The following TTC38 variants were observed in gnomAD, a reference collection of about 807,000 sequenced individuals.
The protein encoded by TTC38 is tetratricopeptide repeat domain 38.
Under a neutral mutation model 64.2 loss-of-function variants are expected in TTC38, and 64 were observed. The observed-to-expected ratio is 1.00, with a 90% CI of 0.81 to 1.23. The LOEUF (loss-of-function observed/expected upper bound fraction) is 1.23, where lower values mean the gene tolerates loss of function less well. Among genes scored for constraint, TTC38 ranks in the 50% most tolerant of loss-of-function variants. The pLI, the probability that TTC38 is intolerant of heterozygous loss-of-function variation, is 0.00. For synonymous variants in TTC38, 254 were observed against 249.3 expected, an observed-to-expected ratio of 1.02 and a Z score of -0.18; for missense variants, 573 against 615.5, an observed-to-expected ratio of 0.93 and a Z score of 0.73.
intron 6 of TTC38, among the ~76,000 whole-genome samples, chr22:46,278,934 C>T (rs1004456670): frequency 5.3e-5 from 8 of 152,244 alleles, no homozygotes; most frequent in African/African-American, 1.9e-4. Flanking sequence ...TACGGGGAGC[C>T]TGTGGTCAGC....
rs753432342 is a variant in TTC38 at position 46,273,878 on chromosome 22, G to A, written c.194-20G>A. The A allele has an allele frequency of 2.7e-5, 43 of 1,613,444 alleles. No individual in the cohort carries two copies. Among genetic ancestry groups the A allele is most frequent in the South Asian group, 2.6e-4 (24 of 91,048 alleles). On this transcript the variant is annotated intron_variant, in intron 3 of 13. Coordinates refer to ENST00000381031, the MANE Select transcript of TTC38 (RefSeq NM_017931.4). The surrounding 1 kb of genome is among the most constrained non-coding windows in gnomAD (Gnocchi z 5.1). The stretch of plus-strand genomic sequence containing the variant: ...AGCTGGACCATCTGAACCACCAGCC[G>A]TTCTCTAACCTCCCACCAGTGATGG...
chr22:46,281,527 C>G lies in TTC38; in HGVS notation c.616-72C>G, dbSNP rs2077534631. 6.4e-7 allele frequency: 1 copy of G among 1,563,838 alleles called. No homozygotes were observed. The highest frequency in any genetic ancestry group is 1.1e-5 in the South Asian group (1 of 88,824). ...CCAGGCCCCTCTTGCCCCTTAGAGACCTGCCGTCGCCTGCCCCGGCAGCCT... is the reference window on the plus strand; with the variant it reads ...CCAGGCCCCTCTTGCCCCTTAGAGAGCTGCCGTCGCCTGCCCCGGCAGCCT... On this transcript the variant is annotated intron_variant, in intron 6 of 13. Coordinates refer to ENST00000381031, the MANE Select transcript of TTC38 (RefSeq NM_017931.4). This position sits in a 1 kb window ranked among gnomAD's most constrained non-coding sequence, Gnocchi z 5.2.
In TTC38 at chr22:46,285,265, A is replaced by G. The variant is rs766724649; in HGVS notation, c.820A>G (p.Ile274Val). ...GGGCGAATATGAGGCCGCGCTGACC[A>G]TCTACGATACCCACGTAAGTTGCAT... is the stretch of plus-strand genomic sequence containing the variant. ...EKGEYEAALT[I>V]YDTHILPSLQ... Residue 274 changes from isoleucine (I) to valine (V), a missense_variant, in exon 9 of 14, where the codon ATC becomes GTC. By Grantham distance (29) the Ile-to-Val change is conservative. Coordinates refer to ENST00000381031, the MANE Select transcript of TTC38 (RefSeq NM_017931.4). The G allele has an allele frequency of 8.7e-6, 14 of 1,614,084 alleles. No individual in the cohort carries two copies. In the Admixed American group the frequency reaches 2.2e-4, roughly 25 times the overall value.
chr22:46,271,156 C>T lies in TTC38; in HGVS notation c.112-1179C>T, dbSNP rs1936886652. On this transcript the variant is annotated intron_variant, in intron 2 of 13. Transcript: ENST00000381031. This position sits in a 1 kb window ranked among gnomAD's most constrained non-coding sequence, Gnocchi z 5.5. Reference sequence around the variant, plus strand: ...GCAGGAATATTCCTATCGTGACCAACTTCAGGGCTCCTCTTAGGGCAGAAG... The same window carrying T: ...GCAGGAATATTCCTATCGTGACCAATTTCAGGGCTCCTCTTAGGGCAGAAG... Among the ~76,000 whole-genome samples, 1 of 152,350 alleles carries T rather than the reference C, an allele frequency of 6.6e-6. No homozygotes were observed. The highest frequency in any genetic ancestry group is 2.1e-4 in the South Asian group (1 of 4,826).
intron 11 of TTC38, 92 bp downstream of exon 11, chr22:46,288,680 G>C: frequency 7.8e-7 from 1 of 1,288,770 alleles, no homozygotes; most frequent in South Asian, 1.4e-5. Context: ...TTCAGTGCCT[G>C]CCCCGCCTGT....
At chr22:46,289,995 A>T in intron 13 of TTC38, 96 bp downstream of exon 13, 1 of 1,097,770 alleles carries the variant, frequency 9.1e-7, no homozygotes, top group East Asian at 2.4e-5. Flanking sequence ...TTGGCCCGAG[A>T]TGCTCCTGCT....
chr22:46,291,059 G>C lies in TTC38; in HGVS notation c.1316+1160G>C, dbSNP rs1177627676. 6.6e-6 allele frequency among the ~76,000 whole-genome samples: 1 copy of C among 152,190 alleles called. No homozygotes were observed. Among genetic ancestry groups the C allele is most frequent in the East Asian group, 1.9e-4 (1 of 5,204 alleles). ...GCACCAGCGCAGCTCCCTCCAGGCA[G>C]GGTTACCCAAACTGAGCTGTACAGG... On this transcript the variant is annotated intron_variant, in intron 13 of 13. Transcript: ENST00000381031. The surrounding 1 kb of genome is among the most constrained non-coding windows in gnomAD (Gnocchi z 4.6).
Position 46,293,925 on chromosome 22 carries a change from G to A in TTC38, c.*1041G>A, listed in dbSNP as rs1317090556. 1 of 152,246 alleles carries A rather than the reference G, an allele frequency of 6.6e-6. No homozygotes were observed. Among genetic ancestry groups the A allele is most frequent in the Non-Finnish European group, 1.5e-5 (1 of 68,054 alleles). The allele number at this position is 152,246 out of a possible 1,614,324, so 9.4% of individuals were successfully genotyped here. A position where few individuals can be genotyped will look rare whatever the true frequency, so the allele number is the denominator to read the frequency against. ...GGCAGGCCTCTCAGAAGGGAGAGGAGGCCTCCAAATCTATTGAGTCCCCAC... is the reference window on the plus strand; with the variant it reads ...GGCAGGCCTCTCAGAAGGGAGAGGAAGCCTCCAAATCTATTGAGTCCCCAC... On this transcript the variant is annotated 3_prime_UTR_variant, in exon 14 of 14. Transcript: ENST00000381031. This position sits in a 1 kb window ranked among gnomAD's most constrained non-coding sequence, Gnocchi z 6.6.
chr22:46,285,558 C>A (rs2077565667), intron 9 of TTC38, among the ~76,000 whole-genome samples: 1 of 152,070 alleles, frequency 6.6e-6, no homozygotes, highest in Non-Finnish European at 1.5e-5. Flanking sequence ...CTCCTCCAGC[C>A]CTTTCAGATC....
chr22:46,281,696 A>G lies in TTC38; in HGVS notation c.713A>G (p.Gln238Arg), dbSNP rs377447390. The change falls in exon 7 of 14, where the codon CAG becomes CGG. Residue 238 changes from glutamine to arginine, a missense_variant. Physicochemically the swap from Gln to Arg is conservative, Grantham distance 43. Transcript: ENST00000381031. This position sits in a 1 kb window ranked among gnomAD's most constrained non-coding sequence, Gnocchi z 5.2. ...ATCAAGGATGGGTTGGAATTCATGC[A>G]GCACTCAGAGACCTTCTGGAAGGTA... ...AEIKDGLEFM[Q>R]HSETFWKDSD... The G allele has an allele frequency of 1.8e-5, 29 of 1,614,026 alleles. 1 individual carries two copies. The South Asian group carries it at 2.6e-4, about 15-fold the overall frequency.
In TTC38 at chr22:46,293,274, C is replaced by T. The variant is rs1170974162; in HGVS notation, c.*390C>T. ...GCAGCCTCCCCCCACTGCCTGTCCCCGTCCCCACCAGGCTGCCCTTGGGAT... is the reference window on the plus strand; with the variant it reads ...GCAGCCTCCCCCCACTGCCTGTCCCTGTCCCCACCAGGCTGCCCTTGGGAT... On this transcript the variant is annotated 3_prime_UTR_variant, in exon 14 of 14. Transcript: ENST00000381031. The surrounding 1 kb of genome is among the most constrained non-coding windows in gnomAD (Gnocchi z 6.6). The T allele has an allele frequency of 3.7e-5, 8 of 218,108 alleles. No individual in the cohort carries two copies. Among genetic ancestry groups the T allele is most frequent in the Admixed American group, 5.0e-5 (1 of 20,190 alleles). The allele number at this position is 218,108 out of a possible 1,614,324, so 13.5% of individuals were successfully genotyped here. A position where few individuals can be genotyped will look rare whatever the true frequency, so the allele number is the denominator to read the frequency against.
At chr22:46,287,179 G>A (rs1180942130) in intron 10 of TTC38, 25 bp downstream of exon 10, 3 of 1,579,130 alleles carry the variant, frequency 1.9e-6, no homozygotes, top group South Asian at 1.1e-5. Context: ...AGCCCCACTG[G>A]CTTCTGCCTC....
rs547575009 is a variant in TTC38, at chr22:46,287,173, C to G, written c.916+19C>G. On this transcript the variant is annotated intron_variant, in intron 10 of 13. Coordinates refer to ENST00000381031, the MANE Select transcript of TTC38 (RefSeq NM_017931.4). ...ATGGAAGGTAGCCATCCCTGCAGCCCCACTGGCTTCTGCCTCTTCCTCCCA... is the reference window on the plus strand; with the variant it reads ...ATGGAAGGTAGCCATCCCTGCAGCCGCACTGGCTTCTGCCTCTTCCTCCCA... The G allele has an allele frequency of 3.2e-5, 50 of 1,586,996 alleles. No individual in the cohort carries two copies. The African/African-American group carries it at 5.8e-4, about 18-fold the overall frequency.
Position 46,284,043 on chromosome 22 carries a change from C to A in TTC38, c.795+11C>A, listed in dbSNP as rs1339500667. 6.2e-7 allele frequency: 1 copy of A among 1,605,354 alleles called. No individual in the cohort carries two copies. Among genetic ancestry groups the A allele is most frequent in the East Asian group, 2.2e-5 (1 of 44,762 alleles). On this transcript the variant is annotated intron_variant, in intron 8 of 13. Coordinates refer to ENST00000381031, the MANE Select transcript of TTC38 (RefSeq NM_017931.4). ...TATCTGATTGAGAAGGTAAGGTGACCATCTGTTTGCACTGTCTTATCCTAT... is the reference window on the plus strand; with the variant it reads ...TATCTGATTGAGAAGGTAAGGTGACAATCTGTTTGCACTGTCTTATCCTAT...
In TTC38 at chr22:46,273,479, G is replaced by C. The variant is rs1388439022; in HGVS notation, c.194-419G>C. ...ACTTTTAGCATGTGTGAGCAGCACAGATGGGATCATGACTTCTGTGCTCCG... is the reference window on the plus strand; with the variant it reads ...ACTTTTAGCATGTGTGAGCAGCACACATGGGATCATGACTTCTGTGCTCCG... On this transcript the variant is annotated intron_variant, in intron 3 of 13. Transcript: ENST00000381031. This position sits in a 1 kb window ranked among gnomAD's most constrained non-coding sequence, Gnocchi z 5.1. Among the ~76,000 whole-genome samples the C allele has an allele frequency of 6.6e-6, 1 of 152,246 alleles. No individual in the cohort carries two copies. The highest frequency in any genetic ancestry group is 1.9e-4 in the East Asian group (1 of 5,192).
At chr22:46,287,210 G>A (rs2147800029) in intron 10 of TTC38, 56 bp downstream of exon 10, 2 of 1,487,974 alleles carry the variant, frequency 1.3e-6, no homozygotes, top group Non-Finnish European at 1.8e-6. Flanking sequence ...ATCATGAGGA[G>A]AGGGTGCTGT....
At chr22:46,277,379 T>G (rs1475128266) in intron 5 of TTC38, among the ~76,000 whole-genome samples, 1 of 151,462 alleles carries the variant, frequency 6.6e-6, no homozygotes. Context: ...CCGAGGCGGG[T>G]GGATCACCTG....
rs1016174957 is a variant in TTC38, at chr22:46,271,892, A to C, written c.112-443A>C. ...GTGTGCCTTGGGTGATGTGTATTTC[A>C]TTTCTTCGTATGAAGAAAGTTATCA... On this transcript the variant is annotated intron_variant, in intron 2 of 13. Transcript: ENST00000381031. This position sits in a 1 kb window ranked among gnomAD's most constrained non-coding sequence, Gnocchi z 5.5. 1.2e-4 allele frequency among the ~76,000 whole-genome samples: 19 copies of C among 152,176 alleles called. No individual in the cohort carries two copies. The highest frequency in any genetic ancestry group is 4.3e-4 in the African/African-American group (18 of 41,446).
At chr22:46,286,925 G>A (rs1352482426) in intron 9 of TTC38, 148 bp from the exon 10 acceptor site, 32 of 599,754 alleles carry the variant, frequency 5.3e-5, no homozygotes, top group Non-Finnish European at 4.8e-5. Flanking sequence ...CAAGGGTGAT[G>A]GGCCTGTCAG....
Sources: allele counts gnomAD v4.1 joint callset (sites outside exome capture counted in the v4.1 genomes callset), GRCh38; gene constraint gnomAD v4.1.1; non-coding constraint Gnocchi (gnomAD v3.1); transcripts MANE v1.5; gene names NCBI Gene and HGNC (gene_info 2026-07-23, HGNC 2026-07-21).